DELE1: variants seen among roughly 807,000 people sequenced by gnomAD.
The protein encoded by DELE1 is death ligand signal enhancer.
Under a neutral mutation model 59.3 loss-of-function variants are expected in DELE1, and 54 were observed. The observed-to-expected ratio is 0.91, with a 90% CI of 0.73 to 1.14. The LOEUF is 1.14. DELE1 is among the 50% of genes most tolerant of loss of function. DELE1 has a pLI of 0.00. For missense variants in DELE1, 636 were observed against 643.9 expected (o/e 0.99, Z 0.13); for synonymous variants, 264 against 259.1 (o/e 1.02, Z -0.18).
In DELE1 at chr5:141,939,785, G is replaced by A. The variant is rs1752629520; in HGVS notation, c.*1026G>A. On this transcript the variant is annotated 3_prime_UTR_variant, in exon 12 of 12. Coordinates refer to ENST00000432126, the MANE Select transcript of DELE1 (RefSeq NM_014773.5). The stretch of plus-strand genomic sequence containing the variant: ...GACTCCCTATATTGTTTCCTCAGTT[G>A]TAGACCAAAGGCAATGGTGTCTGCC... The A allele has an allele frequency of 1.2e-6, 1 of 805,742 alleles. No individual in the cohort carries two copies. Among genetic ancestry groups the A allele is most frequent in the South Asian group, 5.7e-5 (1 of 17,556 alleles). 49.9% of individuals were successfully genotyped at this position (805,742 alleles called of 1,614,324 possible).
chr5:141,934,796 G>T, intron 10 of DELE1: 1 of 572,414 alleles, frequency 1.7e-6, no homozygotes, highest in South Asian at 2.3e-5. Context: ...TGTGAGAGCT[G>T]TTGGCAGCTT....
At chr5:141,925,847 A>G (rs1751360095) in intron 3 of DELE1, among the ~76,000 whole-genome samples, 1 of 86,784 alleles carries the variant, frequency 1.2e-5, no homozygotes, top group African/African-American at 7.4e-5. Context: ...AATACATTGC[A>G]TCTTTTTTTT....
At chr5:141,928,492 A>G (rs997251107) in intron 4 of DELE1, among the ~76,000 whole-genome samples, 194 bp downstream of exon 4, 4 of 152,060 alleles carry the variant, frequency 2.6e-5, no homozygotes, top group African/African-American at 9.7e-5. Context: ...GTGTCTTTCC[A>G]TTTCCTCCCA....
chr5:141,941,207 C>G lies in DELE1; in HGVS notation c.*2448C>G. 1.0e-6 allele frequency: 1 copy of G among 985,520 alleles called. No homozygotes were observed. The highest frequency in any genetic ancestry group is 4.7e-5 in the South Asian group (1 of 21,286). 61.0% of individuals were successfully genotyped at this position (985,520 alleles called of 1,614,324 possible). A position where few individuals can be genotyped will look rare whatever the true frequency, so the allele number is the denominator to read the frequency against. On this transcript the variant is annotated 3_prime_UTR_variant, in exon 12 of 12. Coordinates refer to ENST00000432126, the MANE Select transcript of DELE1 (RefSeq NM_014773.5). ...CTGGGGCCGAGGGCTGGTTCACAGT[C>G]TGGCCACTGGGCGTCCTGTGGTGAA...
intron 9 of DELE1, 23 bp downstream of exon 9, chr5:141,934,421 G>A (rs1432187318): frequency 9.9e-6 from 16 of 1,614,246 alleles, no homozygotes; most frequent in Non-Finnish European, 1.3e-5. Context: ...GGCAGGGTCT[G>A]TTCAAGGTCT....
chr5:141,936,064 T>C (rs1752327529), intron 10 of DELE1, among the ~76,000 whole-genome samples: 1 of 152,150 alleles, frequency 6.6e-6, no homozygotes, highest in African/African-American at 2.4e-5. Context: ...AGAAGAGAAA[T>C]TGGACCATGG....
intron 7 of DELE1, among the ~76,000 whole-genome samples, chr5:141,930,856 G>C (rs1443682476): frequency 6.6e-6 from 1 of 152,114 alleles, no homozygotes; most frequent in Non-Finnish European, 1.5e-5. Flanking sequence ...CGGAGACTCA[G>C]ACTCCCCACA....
chr5:141,928,403 C>T (rs1751603318), intron 4 of DELE1, 105 bp downstream of exon 4: 9 of 1,331,454 alleles, frequency 6.8e-6, no homozygotes, highest in Non-Finnish European at 9.2e-6. Context: ...CAGCTCCTTG[C>T]CTTTCCTATC....
Position 141,928,266 on chromosome 5 carries a change from T to C in DELE1, c.380T>C (p.Phe127Ser), listed in dbSNP as rs953648515. The C allele has an allele frequency of 5.6e-6, 9 of 1,614,000 alleles. No homozygotes were observed. The highest frequency in any genetic ancestry group is 7.6e-6 in the Non-Finnish European group (9 of 1,179,976). ...HCSWHSPLDRFFSSPLWHPCS... is the reference protein window; with the variant it reads ...HCSWHSPLDRSFSSPLWHPCS... Reference sequence around the variant, plus strand: ...TCCTGGCACAGTCCCCTGGACCGTTTCTTCTCATCTCCCTTGTGGCACCCA... The same window carrying C: ...TCCTGGCACAGTCCCCTGGACCGTTCCTTCTCATCTCCCTTGTGGCACCCA... The change falls in exon 4 of 12, where the codon TTC becomes TCC. Residue 127 changes from phenylalanine (F) to serine (S), a missense_variant. Coordinates refer to ENST00000432126, the MANE Select transcript of DELE1 (RefSeq NM_014773.5).
intron 7 of DELE1, among the ~76,000 whole-genome samples, chr5:141,932,806 A>G (rs1028183272): frequency 3.3e-5 from 5 of 152,162 alleles, no homozygotes; most frequent in African/African-American, 1.2e-4. Flanking sequence ...ATAGAAATAT[A>G]TGCAAAGGCC....
At chr5:141,931,131 A>G (rs114233165) in intron 7 of DELE1, 1 of 152,230 alleles carries the variant, frequency 6.6e-6, no homozygotes, top group Non-Finnish European at 1.5e-5. Context: ...AGAAGTCCTC[A>G]CTGAGCAGAA....
rs1419409381 is a variant in DELE1, at chr5:141,938,788, T to A, written c.*29T>A. On this transcript the variant is annotated 3_prime_UTR_variant, in exon 12 of 12. Coordinates refer to ENST00000432126, the MANE Select transcript of DELE1 (RefSeq NM_014773.5). ...GAGATAAAACATAGTCCCTGGTGCC[T>A]CTTAGGGGCCAGAGCGGGCAGGAGG... 4 of 1,584,868 alleles carry A rather than the reference T, an allele frequency of 2.5e-6. No homozygotes were observed. Among genetic ancestry groups the A allele is most frequent in the East Asian group, 2.3e-5 (1 of 44,344 alleles).
At chr5:141,930,137 G>C in intron 6 of DELE1, 41 bp from the exon 7 acceptor site, 1 of 1,608,660 alleles carries the variant, frequency 6.2e-7, no homozygotes, top group East Asian at 2.2e-5. Context: ...GGCAATCCTG[G>C]TAAACCATCC....
rs1299547361 is a variant in DELE1 at position 141,934,380 on chromosome 5, A to G, written c.1038A>G (p.Ala346=). 4.3e-6 allele frequency: 7 copies of G among 1,614,236 alleles called. No homozygotes were observed. Among genetic ancestry groups the G allele is most frequent in the Admixed American group, 1.7e-5 (1 of 60,026 alleles). ...QRAVSLLKQA[A]DSGLREAQAF... is the part of the protein sequence containing the mutation. ...CAGTGTCCTTGCTGAAGCAGGCTGC[A>G]GACTCAGGCTTGAGAGAGGTGAGTG... is the stretch of plus-strand genomic sequence containing the variant. Residue 346 remains alanine (A), a synonymous_variant, in exon 9 of 12, where the codon GCA becomes GCG. Coordinates refer to ENST00000432126, the MANE Select transcript of DELE1 (RefSeq NM_014773.5).
intron 7 of DELE1, among the ~76,000 whole-genome samples, chr5:141,931,595 T>G (rs73792056): frequency 0.093 from 14,103 of 152,100 alleles, 2,231 homozygotes; most frequent in African/African-American, 0.32. Flanking sequence ...TGGCATGGTC[T>G]AGATGAGAGA....
At position 141,933,351 on chromosome 5, in the gene DELE1, G is replaced by A. The variant is rs773638584; in HGVS notation, c.847G>A (p.Ala283Thr). ...CGGCTACAGCAAAGCGCAGTACAAT[G>A]CGGGCTTGTGTCATGAGCATGGCAG... ...ARGYSKAQYN[A>T]GLCHEHGRGT... The change falls in exon 8 of 12, where the codon GCG becomes ACG. Residue 283 changes from alanine to threonine, a missense_variant. Physicochemically the swap from Ala to Thr is moderately conservative, Grantham distance 58. Transcript: ENST00000432126. The A allele has an allele frequency of 1.3e-6, 2 of 1,537,438 alleles. No individual in the cohort carries two copies. The highest frequency in any genetic ancestry group is 2.4e-5 in the South Asian group (2 of 83,092).
At position 141,941,307 on chromosome 5, in the gene DELE1, G is replaced by T; in HGVS notation, c.*2548G>T. ...CTGAGCTAAGTACTGATTCAATTTG[G>T]GGTGCCAAAGGTTGGGGGTAGGATA... On this transcript the variant is annotated 3_prime_UTR_variant, in exon 12 of 12. Coordinates refer to ENST00000432126, the MANE Select transcript of DELE1 (RefSeq NM_014773.5). 3.0e-6 allele frequency: 3 copies of T among 985,554 alleles called. No homozygotes were observed. Among genetic ancestry groups the T allele is most frequent in the Non-Finnish European group, 3.6e-6 (3 of 830,042 alleles). The allele number at this position is 985,554 out of a possible 1,614,324, so 61.1% of individuals were successfully genotyped here.
chr5:141,941,955 A>G lies in DELE1; in HGVS notation c.*3196A>G, dbSNP rs943149586. The G allele has an allele frequency of 5.1e-6, 5 of 984,886 alleles. No homozygotes were observed. In the African/African-American group the frequency reaches 7.0e-5, roughly 14 times the overall value. The allele number at this position is 984,886 out of a possible 1,614,324, so 61.0% of individuals were successfully genotyped here. A position where few individuals can be genotyped will look rare whatever the true frequency, so the allele number is the denominator to read the frequency against. The stretch of plus-strand genomic sequence containing the variant: ...CTGTATTGCCCCCCACTCGCCGCCT[A>G]TACACACGCACACACGCACACACAC... On this transcript the variant is annotated 3_prime_UTR_variant, in exon 12 of 12. Transcript: ENST00000432126.
At chr5:141,936,525 C>T (rs920576947) in intron 10 of DELE1, among the ~76,000 whole-genome samples, 18 of 152,330 alleles carry the variant, frequency 1.2e-4, no homozygotes, top group African/African-American at 3.1e-4. Flanking sequence ...ACCTCCGCCT[C>T]CCGGGTTCAC....
Sources: gnomAD v4.1 joint callset for allele counts (sites outside exome capture counted in the v4.1 genomes callset) on GRCh38, gnomAD v4.1.1 for gene constraint, MANE v1.5 for transcripts, NCBI Gene and HGNC (gene_info 2026-07-23, HGNC 2026-07-21) for gene names.